Variants in ZNF700 observed in about 807,000 individuals in gnomAD.
The protein encoded by ZNF700 is zinc finger protein 700.
A neutral mutation model predicts 65.3 loss-of-function variants in ZNF700; 38 were observed. The observed-to-expected ratio is 0.58, with a 90% CI of 0.45 to 0.76. The LOEUF (loss-of-function observed/expected upper bound fraction) is 0.76, where lower values mean the gene tolerates loss of function less well. Ranked by LOEUF, ZNF700 falls within the 30% of genes least tolerant of loss-of-function variation. ZNF700 has a pLI of 0.00. For missense variants in ZNF700, 857 were observed against 888.4 expected (o/e 0.96, Z 0.45); for synonymous variants, 285 against 290.4 (o/e 0.98, Z 0.19).
intron 1 of ZNF700, among the ~76,000 whole-genome samples, chr19:11,942,601 G>C (rs915005150): frequency 4.6e-5 from 7 of 152,162 alleles, no homozygotes; most frequent in Non-Finnish European, 7.3e-5. Flanking sequence ...CCTTTTGAAG[G>C]CTTACACAGG....
chr19:11,938,281 A>T (rs1367996678), intron 1 of ZNF700, among the ~76,000 whole-genome samples: 3 of 152,112 alleles, frequency 2.0e-5, no homozygotes, highest in Non-Finnish European at 4.4e-5. Context: ...CATGTGCACA[A>T]TGTGCAGGTT....
intron 1 of ZNF700, chr19:11,940,030 C>G (rs1042756230): frequency 6.6e-6 from 1 of 150,972 alleles, no homozygotes; most frequent in South Asian, 2.1e-4. Context: ...CTTTCAGGTT[C>G]AAGCAATTCT....
chr19:11,931,246 T>A (rs1429340493), intron 1 of ZNF700, among the ~76,000 whole-genome samples: 1 of 147,980 alleles, frequency 6.8e-6, no homozygotes, highest in Non-Finnish European at 1.5e-5. Context: ...GAAGTCCATC[T>A]TCAGAGAGCT....
Position 11,925,157 on chromosome 19 carries a change from C to T in ZNF700, c.-54C>T. 1 of 1,603,042 alleles carries T rather than the reference C, an allele frequency of 6.2e-7. No individual in the cohort carries two copies. On this transcript the variant is annotated 5_prime_UTR_variant, in exon 1 of 4. Transcript: ENST00000254321. Reference sequence around the variant, plus strand: ...GCGGTTGGTAACCGGTCAGACCAGCCCGAGAGGGACCTGGTGCCTGTACCC... The same window carrying T: ...GCGGTTGGTAACCGGTCAGACCAGCTCGAGAGGGACCTGGTGCCTGTACCC...
chr19:11,943,808 A>G (rs1166018541), intron 1 of ZNF700, among the ~76,000 whole-genome samples: 1 of 152,196 alleles, frequency 6.6e-6, no homozygotes, highest in Non-Finnish European at 1.5e-5. Context: ...TACAAGTCCA[A>G]ATTTTAAGGA....
intron 1 of ZNF700, 100 bp from the exon 2 acceptor site, chr19:11,947,081 T>C (rs918888210): frequency 1.3e-6 from 2 of 1,507,910 alleles, no homozygotes; most frequent in Non-Finnish European, 1.8e-6. Flanking sequence ...GAATAAATGT[T>C]TGGAGTCCAC....
chr19:11,947,294 C>T lies in ZNF700; in HGVS notation c.177C>T (p.Asn59=). Residue 59 remains asparagine (N), a synonymous_variant, in exon 2 of 4, where the codon AAC becomes AAT. Coordinates refer to ENST00000254321, the MANE Select transcript of ZNF700 (RefSeq NM_144566.3). The stretch of plus-strand genomic sequence containing the variant: ...AAGTGATGCTGGAAACTTTCAGGAA[C>T]CTGACCTCTATAGGTAAGGATGACA... The part of the protein sequence containing the change: ...FREVMLETFR[N]LTSIGKKWSD... 1.2e-6 allele frequency: 2 copies of T among 1,613,950 alleles called. No homozygotes were observed. The highest frequency in any genetic ancestry group is 1.7e-6 in the Non-Finnish European group (2 of 1,179,974).
At chr19:11,940,024 C>T (rs1341328687) in intron 1 of ZNF700, 1 of 150,536 alleles carries the variant, frequency 6.6e-6, no homozygotes, top group African/African-American at 2.5e-5. Context: ...CTCTGCCTTT[C>T]AGGTTCAAGC....
intron 1 of ZNF700, among the ~76,000 whole-genome samples, chr19:11,932,217 G>A (rs568449828): frequency 1.4e-5 from 2 of 148,058 alleles, no homozygotes; most frequent in South Asian, 2.1e-4. Context: ...GGTGATGTGC[G>A]CCTGTAGACC....
intron 1 of ZNF700, among the ~76,000 whole-genome samples, chr19:11,945,884 G>T (rs1292849362): frequency 6.6e-6 from 1 of 152,088 alleles, no homozygotes; most frequent in Non-Finnish European, 1.5e-5. Context: ...ATTACTTCAT[G>T]TACCCCTATA....
intron 1 of ZNF700, chr19:11,926,793 T>C (rs2145269104): frequency 6.5e-6 from 1 of 154,166 alleles, no homozygotes; most frequent in Non-Finnish European, 1.5e-5. Flanking sequence ...GAGATGCAGT[T>C]GCCTTATTTG....
chr19:11,943,296 G>A (rs751319009), intron 1 of ZNF700, among the ~76,000 whole-genome samples: 16 of 152,206 alleles, frequency 1.1e-4, no homozygotes, highest in Middle Eastern at 3.4e-3. Context: ...AATTGGTTAG[G>A]TTAAATTTTC....
chr19:11,927,937 C>T (rs1047961290), intron 1 of ZNF700, among the ~76,000 whole-genome samples: 4 of 152,006 alleles, frequency 2.6e-5, no homozygotes, highest in Admixed American at 2.0e-4. Context: ...CTTGTATAGG[C>T]AAAAGGCAAA....
intron 1 of ZNF700, among the ~76,000 whole-genome samples, chr19:11,943,701 C>A (rs279256): frequency 0.62 from 94,949 of 152,004 alleles, 30,726 homozygotes; most frequent in African/African-American, 0.8. Flanking sequence ...ACTAGAAAAC[C>A]GAAAGATTGT....
At position 11,950,257 on chromosome 19, in the gene ZNF700, G is replaced by C. The variant is rs1973045831; in HGVS notation, c.*4G>C. ...TTGTGGGAAAGCATTCAGCTAGCCT[G>C]GTTCCTTTTATGGACATGAATAGAC... On this transcript the variant is annotated 3_prime_UTR_variant, in exon 4 of 4. Coordinates refer to ENST00000254321, the MANE Select transcript of ZNF700 (RefSeq NM_144566.3). 2 of 1,603,318 alleles carry C rather than the reference G, an allele frequency of 1.2e-6. No individual in the cohort carries two copies. The highest frequency in any genetic ancestry group is 8.5e-7 in the Non-Finnish European group (1 of 1,176,478).
rs149626487 is a variant in ZNF700 at position 11,935,511 on chromosome 19, C to T, written c.63+10238C>T. Among the ~76,000 whole-genome samples, 1,483 of 152,138 alleles carry T rather than the reference C, an allele frequency of 9.7e-3. 17 individuals are homozygous for T. Among genetic ancestry groups the T allele is most frequent in the Middle Eastern group, 0.02 (6 of 294 alleles). ...CCTCCCAAAGTGCCGGGATTATAGG[C>T]ATGAGCCACTGTGCCTGGCTTTTTG... is the stretch of plus-strand genomic sequence containing the variant. On this transcript the variant is annotated intron_variant, in intron 1 of 3. Coordinates refer to ENST00000254321, the MANE Select transcript of ZNF700 (RefSeq NM_144566.3).
intron 1 of ZNF700, among the ~76,000 whole-genome samples, chr19:11,930,888 A>G (rs1972703096): frequency 6.8e-6 from 1 of 147,260 alleles, no homozygotes; most frequent in South Asian, 2.1e-4. Flanking sequence ...AATCCCAGCT[A>G]CTCGGGAGGC....
At chr19:11,928,481 C>T (rs1394093835) in intron 1 of ZNF700, among the ~76,000 whole-genome samples, 1 of 149,664 alleles carries the variant, frequency 6.7e-6, no homozygotes, top group East Asian at 1.9e-4. Context: ...GCCTGTAATC[C>T]CAGCACTTTG....
chr19:11,940,919 C>T (rs1286062868), intron 1 of ZNF700, among the ~76,000 whole-genome samples: 1 of 151,656 alleles, frequency 6.6e-6, no homozygotes, highest in African/African-American at 2.4e-5. Context: ...TCGATTGGTG[C>T]ATTCACAAAC....
Sources: allele counts gnomAD v4.1 joint callset (sites outside exome capture counted in the v4.1 genomes callset), GRCh38; gene constraint gnomAD v4.1.1; transcripts MANE v1.5; gene names NCBI Gene and HGNC (gene_info 2026-07-23, HGNC 2026-07-21).